Variants in RFT1 observed in about 807,000 individuals in gnomAD.
The protein encoded by RFT1 is man(5)GlcNAc(2)-PP-dolichol translocation protein RFT1.
Under a neutral mutation model 62.2 loss-of-function variants are expected in RFT1, and 43 were observed. The observed-to-expected ratio is 0.69, with a 90% confidence interval of 0.54 to 0.89. The LOEUF (loss-of-function observed/expected upper bound fraction) is 0.89, where lower values mean the gene tolerates loss of function less well. Ranked by LOEUF, RFT1 falls within the 40% of genes least tolerant of loss-of-function variation. The pLI, the probability that RFT1 is intolerant of heterozygous loss-of-function variation, is 0.00. For synonymous variants in RFT1, 262 were observed against 264.6 expected (o/e 0.99, Z 0.10); for missense variants, 605 against 649.9 (o/e 0.93, Z 0.75).
intron 7 of RFT1, among the ~76,000 whole-genome samples, chr3:53,109,161 T>C (rs1480531736): frequency 6.6e-6 from 1 of 152,202 alleles, no homozygotes; most frequent in African/African-American, 2.4e-5. Context: ...TGGGCCCACC[T>C]TGGCTCCTGT....
the RFT1 span, among the ~76,000 whole-genome samples, chr3:53,079,338 C>T: frequency 1.3e-5 from 2 of 152,198 alleles, no homozygotes; most frequent in African/African-American, 2.4e-5. Context: ...CAAGGATCAG[C>T]GCTGGGCCCA....
At position 53,091,352 on chromosome 3, in the gene RFT1, C is replaced by T. The variant is rs1175145940; in HGVS notation, c.*551G>A. On this transcript the variant is annotated 3_prime_UTR_variant, in exon 13 of 13. Transcript: ENST00000296292. Reference sequence around the variant, plus strand: ...TCCTGGTTTCATTTCTTGGATTTCTCACTGAGTAGCATTTTTCCTTCTCTA... The same window carrying T: ...TCCTGGTTTCATTTCTTGGATTTCTTACTGAGTAGCATTTTTCCTTCTCTA... 1 of 162,210 alleles carries T rather than the reference C, an allele frequency of 6.2e-6. No homozygotes were observed. The highest frequency in any genetic ancestry group is 1.4e-5 in the Non-Finnish European group (1 of 73,430). 10.0% of individuals were successfully genotyped at this position (162,210 alleles called of 1,614,324 possible). A position where few individuals can be genotyped will look rare whatever the true frequency, so the allele number is the denominator to read the frequency against.
chr3:53,092,247 T>C, intron 12 of RFT1, 122 bp downstream of exon 12: 1 of 1,450,998 alleles, frequency 6.9e-7, no homozygotes, highest in Non-Finnish European at 9.5e-7. Context: ...TATCAGAAGA[T>C]GCTGCCCTAG....
the RFT1 span, among the ~76,000 whole-genome samples, chr3:53,068,700 C>T: frequency 3.9e-5 from 6 of 152,240 alleles, no homozygotes; most frequent in East Asian, 1.9e-4. Context: ...CAAAGGGAAG[C>T]GAGAAAATAC....
chr3:53,107,727 C>G (rs2107122669), intron 7 of RFT1, among the ~76,000 whole-genome samples: 1 of 151,898 alleles, frequency 6.6e-6, no homozygotes, highest in South Asian at 2.1e-4. Flanking sequence ...GCCAGGGCCC[C>G]CATCCCCTTG....
rs564047932 is a variant in RFT1 at position 53,091,713 on chromosome 3, T to TCC, written c.*188_*189dup. ...TTTGGTCTTCACTTAAAAATGAAAC[T>TCC]CCCCCCCCGCATTTCAGACTTCGAA... is the stretch of plus-strand genomic sequence containing the variant. On this transcript the variant is annotated 3_prime_UTR_variant, in exon 13 of 13. Transcript: ENST00000296292. The TCC allele has an allele frequency of 6.3e-6, 4 of 638,536 alleles. No homozygotes were observed. Among genetic ancestry groups the TCC allele is most frequent in the African/African-American group, 1.8e-5 (1 of 54,352 alleles). The allele number at this position is 638,536 out of a possible 1,614,324, so 39.6% of individuals were successfully genotyped here. A position where few individuals can be genotyped will look rare whatever the true frequency, so the allele number is the denominator to read the frequency against.
intron 1 of RFT1, among the ~76,000 whole-genome samples, chr3:53,129,684 G>A (rs142419126): frequency 8.5e-5 from 13 of 152,152 alleles, no homozygotes; most frequent in Non-Finnish European, 1.6e-4. Context: ...AAGAAGGGAA[G>A]TGACTTGTCC....
At chr3:53,073,905 G>A in the RFT1 span, among the ~76,000 whole-genome samples, 2 of 152,198 alleles carry the variant, frequency 1.3e-5, no homozygotes, top group African/African-American at 4.8e-5. Flanking sequence ...GGACATCGGA[G>A]TTCCAGGCCC....
intron 7 of RFT1, among the ~76,000 whole-genome samples, chr3:53,110,347 T>C (rs9838517): frequency 0.27 from 41,030 of 152,182 alleles, 6,035 homozygotes; most frequent in Middle Eastern, 0.39. Context: ...ACATGCTGAA[T>C]AGCCCTCCTG....
At position 53,109,261 on chromosome 3, in the gene RFT1, T is replaced by C. The variant is rs942775813; in HGVS notation, c.776-2392A>G. ...TCCTTCCTACATTCTATAGACTCCC[T>C]GAGGGCAGGAGCCCCTCTCAGTCAC... On this transcript the variant is annotated intron_variant, in intron 7 of 12. Transcript: ENST00000296292. 6.2e-4 allele frequency among the ~76,000 whole-genome samples: 95 copies of C among 152,196 alleles called. 1 individual carries two copies. The highest frequency in any genetic ancestry group is 1.8e-4 in the Non-Finnish European group (12 of 68,022).
At chr3:53,098,622 G>A (rs1701215774) in intron 11 of RFT1, among the ~76,000 whole-genome samples, 1 of 152,012 alleles carries the variant, frequency 6.6e-6, no homozygotes, top group African/African-American at 2.4e-5. Flanking sequence ...CTGACACGGT[G>A]AAACCCCATC....
chr3:53,127,850 C>A (rs1702153926), intron 1 of RFT1, among the ~76,000 whole-genome samples: 3 of 152,132 alleles, frequency 2.0e-5, no homozygotes, highest in East Asian at 1.9e-4. Context: ...GGCATTAATA[C>A]TTTCAGCATA....
the RFT1 span, among the ~76,000 whole-genome samples, chr3:53,082,044 A>G: frequency 1.3e-5 from 2 of 152,118 alleles, no homozygotes; most frequent in East Asian, 3.9e-4. Context: ...CCCGGGCTCC[A>G]GTGATCTTCC....
chr3:53,068,672 C>A, the RFT1 span, among the ~76,000 whole-genome samples: 2 of 152,212 alleles, frequency 1.3e-5, no homozygotes, highest in East Asian at 3.8e-4. Context: ...CCTCTAGAGT[C>A]AACCTCTCCA....
chr3:53,114,525 G>A (rs958542497), intron 6 of RFT1, among the ~76,000 whole-genome samples: 2 of 152,084 alleles, frequency 1.3e-5, no homozygotes, highest in Non-Finnish European at 2.9e-5. Context: ...TCTGAGATGC[G>A]GCTTCTGCAG....
intron 6 of RFT1, among the ~76,000 whole-genome samples, chr3:53,118,721 G>A (rs1701877974): frequency 1.3e-5 from 2 of 152,082 alleles, no homozygotes. Flanking sequence ...GAGACAACGT[G>A]GCAATATCAT....
At position 53,104,061 on chromosome 3, in the gene RFT1, G is replaced by A; in HGVS notation, c.994C>T (p.Leu332=). ...VAVAAAVLES[L]LKLALLAGLT... is the part of the protein sequence containing the mutation. ...CCGGCCAGCAGGGCCAGCTTGAGCA[G>A]GGACTCCAAGACTGCAGCAGCCACA... Residue 332 remains leucine (L), a synonymous_variant, in exon 10 of 13, where the codon CTG becomes TTG. Transcript: ENST00000296292. The A allele has an allele frequency of 6.2e-7, 1 of 1,614,158 alleles. No individual in the cohort carries two copies. The highest frequency in any genetic ancestry group is 8.5e-7 in the Non-Finnish European group (1 of 1,180,024).
At chr3:53,079,707 C>T in the RFT1 span, among the ~76,000 whole-genome samples, 1 of 152,074 alleles carries the variant, frequency 6.6e-6, no homozygotes, top group African/African-American at 2.4e-5. Context: ...CAACAGACCA[C>T]GACTCTGTCA....
chr3:53,102,056 G>C (rs545332021), intron 10 of RFT1, among the ~76,000 whole-genome samples: 1 of 151,958 alleles, frequency 6.6e-6, no homozygotes, highest in Non-Finnish European at 1.5e-5. Flanking sequence ...AAAAAAAAGT[G>C]GGGGAAACTT....
Sources: gnomAD v4.1 joint callset for allele counts (sites outside exome capture counted in the v4.1 genomes callset) on GRCh38, gnomAD v4.1.1 for gene constraint, MANE v1.5 for transcripts, NCBI Gene and HGNC (gene_info 2026-07-23, HGNC 2026-07-21) for gene names.